The following COBLL1 variants were observed in gnomAD, a reference collection of about 807,000 sequenced individuals.
COBLL1 encodes the protein cordon-bleu protein-like 1.
Under a neutral mutation model 94.8 loss-of-function variants are expected in COBLL1, and 50 were observed. The observed-to-expected ratio is 0.53, with a 90% CI of 0.42 to 0.67. COBLL1 has a LOEUF of 0.67. Among genes scored for constraint, COBLL1 ranks in the 30% least tolerant of loss-of-function variants. The probability of loss-of-function intolerance (pLI) is 0.00; values close to 1 mark genes in which losing one functional copy is unlikely to be tolerated. For synonymous variants in COBLL1, 448 were observed against 473.8 expected, an observed-to-expected ratio of 0.95 and a Z score of 0.71; for missense variants, 1,362 against 1,348.7, an observed-to-expected ratio of 1.01 and a Z score of -0.15.
intron 2 of COBLL1, chr2:164,779,822 T>C (rs355897): frequency 0.48 from 217,982 of 452,892 alleles, 55,868 homozygotes; most frequent in African/African-American, 0.77. Flanking sequence ...GATAGCACTC[T>C]GCAAATTTAG....
intron 2 of COBLL1, among the ~76,000 whole-genome samples, chr2:164,818,673 G>GTAAACATATATAGCGTATATGTACATATA (rs1684995606): frequency 6.7e-6 from 1 of 148,326 alleles, no homozygotes; most frequent in African/African-American, 2.5e-5. Context: ...ATGTACATAT[G>GTAAACATATATAGCGTATATGTACATATA]TAAACATATA....
upstream of COBLL1, chr2:164,842,031 C>T (rs1416835499): frequency 2.6e-6 from 4 of 1,536,998 alleles, no homozygotes; most frequent in African/African-American, 4.1e-5. Flanking sequence ...AAGTGGGGAC[C>T]AGCTCGGCGG....
chr2:164,670,086 T>A (rs779784404), intron 1 of COBLL1, among the ~76,000 whole-genome samples: 252 of 152,336 alleles, frequency 1.7e-3, no homozygotes, highest in South Asian at 3.7e-3. Context: ...TGAAAGCTTA[T>A]TCTGTACCAC....
In COBLL1 at chr2:164,692,401, C is replaced by T; in HGVS notation, c.3124-4G>A. On this transcript the variant is annotated splice_region_variant and splice_polypyrimidine_tract_variant and intron_variant, in intron 12 of 13. Transcript: ENST00000652658. ...CATTATGTGCAGAGTTATTTTCCTA[C>T]AAAAATAAATGTGAAATATTTATAT... 1 of 1,581,440 alleles carries T rather than the reference C, an allele frequency of 6.3e-7. No homozygotes were observed. The highest frequency in any genetic ancestry group is 8.6e-7 in the Non-Finnish European group (1 of 1,166,664).
chr2:164,695,514 T>G lies in COBLL1; in HGVS notation c.1878A>C (p.Lys626Asn). 6.2e-7 allele frequency: 1 copy of G among 1,614,002 alleles called. No individual in the cohort carries two copies. Residue 626 changes from lysine (K) to asparagine (N), a missense_variant, in exon 12 of 14, where the codon AAA becomes AAC. Coordinates refer to ENST00000652658, the MANE Select transcript of COBLL1 (RefSeq NM_001365672.2). ...TTGAAGTTTGCACACATTCTTCAAC[T>G]TTGGAGTCAGATAAATTATGATCTT... Reference protein sequence around the residue: ...KHQDHNLSDSKVEECVQTSNN... With the variant: ...KHQDHNLSDSNVEECVQTSNN...
chr2:164,672,459 G>A (rs1255523379), intron 1 of COBLL1, among the ~76,000 whole-genome samples: 2 of 152,024 alleles, frequency 1.3e-5, no homozygotes, highest in Non-Finnish European at 2.9e-5. Flanking sequence ...AGCACTTTGG[G>A]AGGCCGAGGC....
chr2:164,779,666 G>T (rs1407659577), intron 2 of COBLL1: 2 of 470,898 alleles, frequency 4.2e-6, no homozygotes, highest in Non-Finnish European at 8.8e-6. Context: ...TTACGGCAGG[G>T]ATATTCTCTC....
chr2:164,705,601 G>A (rs984117680), intron 7 of COBLL1, among the ~76,000 whole-genome samples: 11 of 152,180 alleles, frequency 7.2e-5, no homozygotes, highest in Non-Finnish European at 1.2e-4. Context: ...CTCCTAGCCC[G>A]TGACTGTCAG....
intron 2 of COBLL1, among the ~76,000 whole-genome samples, chr2:164,770,616 T>A (rs1688158849): frequency 6.6e-6 from 1 of 152,154 alleles, no homozygotes; most frequent in Non-Finnish European, 1.5e-5. Context: ...GGTATCTGAT[T>A]TAATGTATAA....
intron 2 of COBLL1, among the ~76,000 whole-genome samples, chr2:164,749,696 G>A (rs1687033005): frequency 6.6e-6 from 1 of 152,078 alleles, no homozygotes; most frequent in South Asian, 2.1e-4. Flanking sequence ...TTCTTGATGA[G>A]CCTAATTTCA....
chr2:164,740,949 G>A (rs909977986), intron 3 of COBLL1, among the ~76,000 whole-genome samples: 1 of 152,100 alleles, frequency 6.6e-6, no homozygotes, highest in Non-Finnish European at 1.5e-5. Flanking sequence ...GAAGAACAAA[G>A]GAAGAGCAAG....
intron 2 of COBLL1, among the ~76,000 whole-genome samples, chr2:164,747,577 A>T (rs1418513633): frequency 6.6e-6 from 1 of 152,108 alleles, no homozygotes; most frequent in Non-Finnish European, 1.5e-5. Flanking sequence ...TCTATCTCCC[A>T]GGTTCAAGCG....
intron 2 of COBLL1, among the ~76,000 whole-genome samples, chr2:164,820,062 G>A (rs955701214): frequency 6.7e-6 from 1 of 150,096 alleles, no homozygotes. Flanking sequence ...TCGAACTCCT[G>A]ACCTCAGGTG....
chr2:164,803,564 C>CA (rs368867904), intron 2 of COBLL1, among the ~76,000 whole-genome samples: 29,219 of 140,138 alleles, frequency 0.21, 3,201 homozygotes, highest in Middle Eastern at 0.29. Flanking sequence ...GACTCTGTCT[C>CA]AAAAATAAAT....
intron 2 of COBLL1, among the ~76,000 whole-genome samples, chr2:164,805,337 C>CTCTCTCTATATATATA (rs758137553): frequency 1.2e-4 from 2 of 17,050 alleles, no homozygotes; most frequent in African/African-American, 2.3e-4. Context: ...CTCTCTCTCT[C>CTCTCTCTATATATATA]TATATATATA....
chr2:164,720,597 C>T (rs1276293497), intron 7 of COBLL1, among the ~76,000 whole-genome samples: 1 of 152,132 alleles, frequency 6.6e-6, no homozygotes, highest in Non-Finnish European at 1.5e-5. Flanking sequence ...CCTAAAAATG[C>T]TACTTCTTAT....
chr2:164,710,026 A>T (rs975059095), intron 7 of COBLL1, among the ~76,000 whole-genome samples: 4 of 152,196 alleles, frequency 2.6e-5, no homozygotes, highest in African/African-American at 4.8e-5. Flanking sequence ...TCAAGGAAAT[A>T]GCTTAATATA....
chr2:164,759,625 C>T (rs1210433749), intron 2 of COBLL1, among the ~76,000 whole-genome samples: 1 of 151,898 alleles, frequency 6.6e-6, no homozygotes, highest in Non-Finnish European at 1.5e-5. Context: ...GGGATGAAAA[C>T]GCAAGCCACA....
intron 2 of COBLL1, among the ~76,000 whole-genome samples, chr2:164,783,366 T>C (rs1005730518): frequency 6.6e-6 from 1 of 152,132 alleles, no homozygotes; most frequent in Non-Finnish European, 1.5e-5. Flanking sequence ...TGAGCTGTGA[T>C]TGTGCCACTG....
Sources: gnomAD v4.1 joint callset for allele counts (sites outside exome capture counted in the v4.1 genomes callset) on GRCh38, gnomAD v4.1.1 for gene constraint, MANE v1.5 for transcripts, NCBI Gene and HGNC (gene_info 2026-07-23, HGNC 2026-07-21) for gene names.